Variants in VPS13C observed in about 807,000 individuals in gnomAD.
VPS13C encodes the protein vacuolar protein sorting 13 homolog C.
Under a neutral mutation model 456.8 loss-of-function variants are expected in VPS13C, and 358 were observed. The observed-to-expected ratio is 0.78, with a 90% confidence interval of 0.72 to 0.86. VPS13C has a LOEUF of 0.86. Ranked by LOEUF, VPS13C falls within the 40% of genes least tolerant of loss-of-function variation. The probability of loss-of-function intolerance (pLI) is 0.00; values close to 1 mark genes in which losing one functional copy is unlikely to be tolerated. For missense variants in VPS13C, 4,818 were observed against 4,385.4 expected (o/e 1.10, Z -2.79); for synonymous variants, 1,578 against 1,486.7 (o/e 1.06, Z -1.41).
chr15:62,013,165 T>C (rs1181798321), intron 10 of VPS13C, 46 bp from the exon 11 acceptor site: 8 of 1,396,614 alleles, frequency 5.7e-6, no homozygotes, highest in Non-Finnish European at 7.9e-6. Flanking sequence ...CACACTGAAA[T>C]TATGAATCAA....
rs1029438761 is a variant in VPS13C, at chr15:61,863,496, G to C, written c.10896C>G (p.Tyr3632Ter). 6.2e-7 allele frequency: 1 copy of C among 1,612,806 alleles called. No homozygotes were observed. Among genetic ancestry groups the C allele is most frequent in the African/African-American group, 1.3e-5 (1 of 74,950 alleles). ...NHIKKLEGET[Y>*]RYHCAIPGSK... The stretch of plus-strand genomic sequence containing the variant: ...TTCCAGGAATAGCACAGTGGTATCG[G>C]TAAGTCTCTCCTTCCAACTTTTTGA... The change falls in exon 82 of 85, where the codon TAC becomes TAG. Residue 3632 changes from tyrosine (Y) to a stop codon, truncating the protein, a stop_gained. Coordinates refer to ENST00000644861, the MANE Select transcript of VPS13C (RefSeq NM_020821.3). LOFTEE classifies it high-confidence loss of function.
chr15:61,998,501 A>G (rs2046470819), intron 16 of VPS13C, among the ~76,000 whole-genome samples: 1 of 152,222 alleles, frequency 6.6e-6, no homozygotes, highest in Admixed American at 6.5e-5. Flanking sequence ...AGTGTTTTAC[A>G]TGAATTATGA....
chr15:62,039,522 A>G (rs986105276), intron 3 of VPS13C, among the ~76,000 whole-genome samples: 13 of 152,170 alleles, frequency 8.5e-5, no homozygotes, highest in Non-Finnish European at 1.8e-4. Flanking sequence ...GAAAAAATCT[A>G]ATAATCTGAT....
chr15:61,863,653 C>T (rs981468631), intron 81 of VPS13C, 125 bp from the exon 82 acceptor site: 7 of 574,050 alleles, frequency 1.2e-5, no homozygotes, highest in African/African-American at 1.2e-4. Flanking sequence ...AAGCACAATT[C>T]TACATATTGG....
intron 66 of VPS13C, among the ~76,000 whole-genome samples, chr15:61,901,851 C>T (rs1181289666): frequency 7.2e-5 from 11 of 152,120 alleles, no homozygotes; most frequent in East Asian, 3.9e-4. Context: ...AGCAAAGACT[C>T]GGAACCAACC....
chr15:61,914,009 G>A (rs999702460), intron 61 of VPS13C, among the ~76,000 whole-genome samples: 1 of 152,122 alleles, frequency 6.6e-6, no homozygotes, highest in Non-Finnish European at 1.5e-5. Flanking sequence ...TTTACTTCTG[G>A]TTCTGGGATT....
rs750781382 is a variant in VPS13C at position 61,967,343 on chromosome 15, T to C, written c.2991+25A>G. On this transcript the variant is annotated intron_variant, in intron 29 of 84. Transcript: ENST00000644861. ...GAAATAGTTTGGAGTAAACAATAAA[T>C]ATATAATCATTCTATAGCCCTTACC... is the stretch of plus-strand genomic sequence containing the variant. 2.5e-6 allele frequency: 4 copies of C among 1,569,332 alleles called. No homozygotes were observed. The South Asian group carries it at 4.6e-5, about 18-fold the overall frequency.
chr15:61,888,952 G>C (rs1319202011), intron 67 of VPS13C, among the ~76,000 whole-genome samples: 2 of 152,048 alleles, frequency 1.3e-5, no homozygotes, highest in Non-Finnish European at 2.9e-5. Context: ...AGTAATAGGG[G>C]AAACAAGAGT....
At chr15:61,914,378 G>A (rs2043397062) in intron 61 of VPS13C, among the ~76,000 whole-genome samples, 1 of 151,856 alleles carries the variant, frequency 6.6e-6, no homozygotes, top group Non-Finnish European at 1.5e-5. Flanking sequence ...AGACCAGACT[G>A]GCCAACATGG....
intron 38 of VPS13C, among the ~76,000 whole-genome samples, chr15:61,952,807 C>T (rs1203322871): frequency 6.6e-6 from 1 of 152,060 alleles, no homozygotes; most frequent in Non-Finnish European, 1.5e-5. Flanking sequence ...CAGTCTTGAC[C>T]TCCTGGGCTC....
chr15:61,986,039 TC>T (rs2140402845), intron 18 of VPS13C, among the ~76,000 whole-genome samples: 1 of 151,602 alleles, frequency 6.6e-6, no homozygotes, highest in South Asian at 2.1e-4. Flanking sequence ...CAGCATCAAA[TC>T]ATCTCAATAC....
At chr15:61,938,496 G>A (rs1249301124) in intron 47 of VPS13C, among the ~76,000 whole-genome samples, 2 of 152,086 alleles carry the variant, frequency 1.3e-5, no homozygotes, top group Non-Finnish European at 2.9e-5. Flanking sequence ...ACCAAAGGGG[G>A]GTGTTTAGAG....
chr15:61,965,193 T>C (rs939216780), intron 30 of VPS13C, among the ~76,000 whole-genome samples: 6 of 152,078 alleles, frequency 3.9e-5, no homozygotes, highest in African/African-American at 9.6e-5. Flanking sequence ...TGGACAATTA[T>C]GATTATATAA....
intron 48 of VPS13C, 22 bp from the exon 49 acceptor site, chr15:61,934,353 C>G: frequency 1.5e-6 from 2 of 1,354,672 alleles, no homozygotes; most frequent in South Asian, 1.7e-5. Flanking sequence ...AATTTAAAAG[C>G]TTTTAAGTAG....
intron 49 of VPS13C, among the ~76,000 whole-genome samples, chr15:61,931,805 C>T (rs1254822290): frequency 2.0e-5 from 3 of 151,838 alleles, no homozygotes. Flanking sequence ...TGATCTTGAA[C>T]TCCTGACCTC....
intron 1 of VPS13C, among the ~76,000 whole-genome samples, chr15:62,050,153 T>G (rs2048570035): frequency 6.6e-6 from 1 of 152,144 alleles, no homozygotes; most frequent in Admixed American, 6.5e-5. Flanking sequence ...GTCTAATCCT[T>G]TAAAACAAAA....
intron 53 of VPS13C, 34 bp downstream of exon 53, chr15:61,925,416 AAATAAG>A: frequency 7.7e-7 from 1 of 1,297,146 alleles, no homozygotes; most frequent in Non-Finnish European, 1.1e-6. Context: ...TCGTGAAGAA[AAATAAG>A]AATTTTCACT....
rs1392933340 is a variant in VPS13C, at chr15:61,951,976, A to G, written c.4304T>C (p.Val1435Ala). 3 of 1,612,166 alleles carry G rather than the reference A, an allele frequency of 1.9e-6. No homozygotes were observed. The highest frequency in any genetic ancestry group is 2.5e-6 in the Non-Finnish European group (3 of 1,179,320). ...TTCTGATTTTTTCATCAAAGTAACC[A>G]CAACCTAAAAAACGGTACCAGTATT... ...MLLNFEIKEV[V>A]VTLMKKSEKK... The change falls in exon 39 of 85, where the codon GTG becomes GCG. Residue 1435 changes from valine (V) to alanine (A), a missense_variant. Val to Ala is a moderately conservative substitution (Grantham distance 64). Around this residue, in one of 3 missense-constraint regions of VPS13C, gnomAD observed 4,552 missense variants for 4,130.6 expected, o/e 1.10. Transcript: ENST00000644861.
chr15:61,873,332 A>G lies in VPS13C; in HGVS notation c.10492T>C (p.Tyr3498His), dbSNP rs1188444478. 3.1e-6 allele frequency: 5 copies of G among 1,613,580 alleles called. No individual in the cohort carries two copies. Among genetic ancestry groups the G allele is most frequent in the Non-Finnish European group, 4.2e-6 (5 of 1,179,768 alleles). Residue 3498 changes from tyrosine (Y) to histidine (H), a missense_variant, in exon 78 of 85, where the codon TAT (tyrosine) becomes CAT (histidine). Around this residue, in one of 3 missense-constraint regions of VPS13C, gnomAD observed 4,552 missense variants for 4,130.6 expected, o/e 1.10. Transcript: ENST00000644861. ...GLAAITMDKE[Y>H]QQKRREELSR... Reference sequence around the variant, plus strand: ...AACTCTTCTCTTCTTTTTTGCTGATATTCCTTGTCCATTGTAATTGCTGCC... The same window carrying G: ...AACTCTTCTCTTCTTTTTTGCTGATGTTCCTTGTCCATTGTAATTGCTGCC...
Sources: gnomAD v4.1 joint callset for allele counts (sites outside exome capture counted in the v4.1 genomes callset) on GRCh38, gnomAD v4.1.1 for gene constraint, gnomAD v4.1.1 regional missense constraint, MANE v1.5 for transcripts, NCBI Gene and HGNC (gene_info 2026-07-23, HGNC 2026-07-21) for gene names.